MYO9B: variants seen among roughly 807,000 people sequenced by gnomAD.
MYO9B encodes unconventional myosin-IXb.
MYO9B carries 71 observed loss-of-function variants against 229.5 expected under a neutral mutation model. The ratio of observed to expected loss-of-function variants is 0.31; its 90% CI spans 0.26 to 0.38. The LOEUF (loss-of-function observed/expected upper bound fraction) is 0.38, where lower values mean the gene tolerates loss of function less well. Among genes scored for constraint, MYO9B ranks in the 10% least tolerant of loss-of-function variants. The pLI is 1.00. For synonymous variants in MYO9B, 1,185 were observed against 1,235.8 expected (o/e 0.96, Z 0.86); for missense variants, 2,255 against 2,920.5 (o/e 0.77, Z 5.25).
At chr19:17,126,279 G>C (rs764820304) in intron 2 of MYO9B, among the ~76,000 whole-genome samples, 1 of 152,120 alleles carries the variant, frequency 6.6e-6, no homozygotes, top group African/African-American at 2.4e-5. Context: ...GACCCATTTT[G>C]TCCTGGGTGC....
chr19:17,128,577 A>G (rs1266301406), intron 2 of MYO9B, among the ~76,000 whole-genome samples: 1 of 152,198 alleles, frequency 6.6e-6, no homozygotes, highest in African/African-American at 2.4e-5. Context: ...TCCTGTGTCC[A>G]TGAGGGCCTG....
chr19:17,097,733 C>T (rs2057706606), intron 1 of MYO9B, among the ~76,000 whole-genome samples: 1 of 152,014 alleles, frequency 6.6e-6, no homozygotes, highest in Non-Finnish European at 1.5e-5. Context: ...ATTCTCAGAG[C>T]CTCTAGTGGC....
intron 14 of MYO9B, among the ~76,000 whole-genome samples, chr19:17,179,707 A>G (rs2072834160): frequency 6.6e-6 from 1 of 151,438 alleles, no homozygotes; most frequent in Non-Finnish European, 1.5e-5. Flanking sequence ...GATTACAGGC[A>G]TGAGCCACCG....
Position 17,101,813 on chromosome 19 carries a change from C to T in MYO9B, c.96C>T (p.Ala32=), listed in dbSNP as rs763455675. 1.2e-6 allele frequency: 2 copies of T among 1,607,976 alleles called. No homozygotes were observed. The highest frequency in any genetic ancestry group is 1.7e-6 in the Non-Finnish European group (2 of 1,179,146). Residue 32 remains alanine, a synonymous_variant, in exon 2 of 40, where the codon GCC becomes GCT. Coordinates refer to ENST00000682292, the MANE Select transcript of MYO9B (RefSeq NM_004145.4). The surrounding 1 kb of genome is among the most constrained non-coding windows in gnomAD (Gnocchi z 4.7). ...AGCTGTCCACCACCGAGAGCCAGGC[C>T]TCGTGCCGCGTGACTGCCACCAAGG... is the stretch of plus-strand genomic sequence containing the variant. ...YPQLSTTESQ[A]SCRVTATKDS...
intron 6 of MYO9B, among the ~76,000 whole-genome samples, chr19:17,156,300 G>T (rs1420128866): frequency 1.3e-5 from 2 of 151,956 alleles, no homozygotes; most frequent in African/African-American, 4.8e-5. Flanking sequence ...TGTAGTCCCA[G>T]CTACCTGAGA....
intron 2 of MYO9B, among the ~76,000 whole-genome samples, chr19:17,120,076 A>G (rs1288834234): frequency 2.0e-5 from 3 of 152,152 alleles, no homozygotes; most frequent in Non-Finnish European, 1.5e-5. Flanking sequence ...AGGTGGGAGG[A>G]TTGCAGGCCC....
intron 2 of MYO9B, among the ~76,000 whole-genome samples, chr19:17,140,024 A>G (rs568594269): frequency 2.6e-5 from 4 of 152,148 alleles, no homozygotes; most frequent in South Asian, 2.1e-4. Flanking sequence ...CTGGGCAACA[A>G]GAGTGAAACT....
chr19:17,207,209 G>A lies in MYO9B; in HGVS notation c.5589G>A (p.Pro1863=), dbSNP rs17535005. ...CLLRCPDNSD[P]LTSMKDVLKI... ...TGCGCTGCCCTGACAACTCGGACCCGCTGACCAGCATGAAGGACGTCCTCA... is the reference window on the plus strand; with the variant it reads ...TGCGCTGCCCTGACAACTCGGACCCACTGACCAGCATGAAGGACGTCCTCA... Residue 1863 remains proline, a synonymous_variant, in exon 35 of 40, where the codon CCG becomes CCA. Transcript: ENST00000682292. The A allele has an allele frequency of 0.068, 109,437 of 1,600,024 alleles. 4,054 individuals are homozygous for A. Among genetic ancestry groups the A allele is most frequent in the Non-Finnish European group, 0.078 (91,320 of 1,174,290 alleles).
intron 6 of MYO9B, 146 bp downstream of exon 6, chr19:17,154,561 C>G (rs1302306743): frequency 3.6e-6 from 2 of 560,502 alleles, no homozygotes; most frequent in Non-Finnish European, 3.1e-6. Context: ...GAGTGTGGCC[C>G]AATAGCAGCG....
chr19:17,130,898 A>G (rs919663447), intron 2 of MYO9B, among the ~76,000 whole-genome samples: 1 of 152,064 alleles, frequency 6.6e-6, no homozygotes, highest in Non-Finnish European at 1.5e-5. Context: ...CCATCTGTGC[A>G]CTTCTTTATA....
intron 14 of MYO9B, among the ~76,000 whole-genome samples, chr19:17,179,476 G>C (rs921242932): frequency 6.9e-6 from 1 of 144,150 alleles, no homozygotes; most frequent in Non-Finnish European, 1.5e-5. Context: ...GCCCAGGCTG[G>C]AGTGCAGTGG....
chr19:17,092,208 A>G (rs904176368), intron 1 of MYO9B, among the ~76,000 whole-genome samples: 3 of 152,198 alleles, frequency 2.0e-5, no homozygotes, highest in Non-Finnish European at 4.4e-5. Context: ...AAGTAGGCAT[A>G]TCCCAGTGAG....
At chr19:17,126,205 C>G (rs1352503250) in intron 2 of MYO9B, among the ~76,000 whole-genome samples, 1 of 152,198 alleles carries the variant, frequency 6.6e-6, no homozygotes, top group African/African-American at 2.4e-5. Flanking sequence ...GCCTCCGCCC[C>G]CTCTGCTCCC....
At chr19:17,146,382 C>CATGGATGG (rs1159430575) in intron 3 of MYO9B, among the ~76,000 whole-genome samples, 1 of 113,708 alleles carries the variant, frequency 8.8e-6, no homozygotes, top group East Asian at 2.8e-4. Flanking sequence ...TGGATAGATT[C>CATGGATGG]ATGGATGGAT....
intron 4 of MYO9B, among the ~76,000 whole-genome samples, chr19:17,153,303 G>A (rs555150361): frequency 6.6e-6 from 1 of 151,268 alleles, no homozygotes; most frequent in East Asian, 2.0e-4. Flanking sequence ...CATGCCTGAG[G>A]CGACTCTCAT....
intron 2 of MYO9B, among the ~76,000 whole-genome samples, chr19:17,118,727 C>T (rs1421199389): frequency 6.6e-6 from 1 of 152,132 alleles, no homozygotes; most frequent in African/African-American, 2.4e-5. Flanking sequence ...AGGTGATCCG[C>T]CCACCTTGGC....
At chr19:17,100,800 C>T (rs1005698678) in intron 1 of MYO9B, among the ~76,000 whole-genome samples, 5 of 152,064 alleles carry the variant, frequency 3.3e-5, no homozygotes, top group Non-Finnish European at 7.3e-5. Context: ...AGGCCATTCC[C>T]GAGTGCATTT....
intron 19 of MYO9B, among the ~76,000 whole-genome samples, chr19:17,188,531 C>A (rs969751384): frequency 6.6e-5 from 10 of 152,034 alleles, no homozygotes; most frequent in Admixed American, 4.6e-4. Context: ...GCCTGGTTCC[C>A]TTTCACGCTT....
chr19:17,197,603 G>A (rs1190290739), intron 22 of MYO9B, among the ~76,000 whole-genome samples, 189 bp from the exon 23 acceptor site: 1 of 152,122 alleles, frequency 6.6e-6, no homozygotes, highest in African/African-American at 2.4e-5. Context: ...CCACTCACCA[G>A]AGGCCAGAAG....
Sources: gnomAD v4.1 joint callset for allele counts (sites outside exome capture counted in the v4.1 genomes callset) on GRCh38, gnomAD v4.1.1 for gene constraint, Gnocchi (gnomAD v3.1) non-coding constraint, MANE v1.5 for transcripts, NCBI Gene and HGNC (gene_info 2026-07-23, HGNC 2026-07-21) for gene names.